DGKG: variants seen among roughly 807,000 people sequenced by gnomAD.
DGKG encodes the protein diacylglycerol kinase gamma.
A neutral mutation model predicts 105.3 loss-of-function variants in DGKG; 78 were observed. The ratio of observed to expected loss-of-function variants is 0.74; its 90% CI spans 0.62 to 0.89. The LOEUF is 0.89. Among genes scored for constraint, DGKG ranks in the 40% least tolerant of loss-of-function variants. The pLI is 0.00. For missense variants in DGKG, 958 were observed against 1,020.1 expected (o/e 0.94, Z 0.83); for synonymous variants, 346 against 367.1 (o/e 0.94, Z 0.66).
chr3:186,261,239 T>A (rs1267797427), intron 15 of DGKG, among the ~76,000 whole-genome samples: 2 of 152,254 alleles, frequency 1.3e-5, no homozygotes, highest in African/African-American at 4.8e-5. Context: ...CCACCTGTGC[T>A]GTTCAGCAAT....
intron 22 of DGKG, among the ~76,000 whole-genome samples, chr3:186,168,488 C>T (rs898485594): frequency 3.9e-5 from 6 of 152,164 alleles, no homozygotes; most frequent in East Asian, 1.9e-4. Context: ...CCAGTTCAGC[C>T]TCCAGGAAAT....
At chr3:186,283,926 G>T (rs746834985) in intron 7 of DGKG, among the ~76,000 whole-genome samples, 1 of 152,216 alleles carries the variant, frequency 6.6e-6, no homozygotes, top group East Asian at 1.9e-4. Context: ...CAACCTCAGG[G>T]CCTTCCTGTT....
chr3:186,346,837 C>A (rs1196165150), intron 1 of DGKG, among the ~76,000 whole-genome samples: 2 of 152,102 alleles, frequency 1.3e-5, no homozygotes, highest in South Asian at 4.1e-4. Context: ...ATGTCCATTC[C>A]ATCAAGCTCC....
At chr3:186,234,585 A>T (rs1057306728) in intron 20 of DGKG, among the ~76,000 whole-genome samples, 2 of 152,194 alleles carry the variant, frequency 1.3e-5, no homozygotes, top group African/African-American at 2.4e-5. Flanking sequence ...TCACAAACCG[A>T]TTCTACTCTT....
chr3:186,193,363 C>T (rs907848641), intron 21 of DGKG, among the ~76,000 whole-genome samples: 1 of 152,214 alleles, frequency 6.6e-6, no homozygotes, highest in South Asian at 2.1e-4. Context: ...ATAACATCTG[C>T]CTTAAGGGGT....
At chr3:186,343,426 G>C (rs1726179784) in intron 1 of DGKG, among the ~76,000 whole-genome samples, 1 of 152,046 alleles carries the variant, frequency 6.6e-6, no homozygotes, top group Non-Finnish European at 1.5e-5. Context: ...GAGTAGCCAG[G>C]ACCACAGATG....
chr3:186,245,922 AC>A (rs58841398), intron 19 of DGKG, among the ~76,000 whole-genome samples: 6,281 of 151,352 alleles, frequency 0.041, 430 homozygotes, highest in African/African-American at 0.15. Context: ...AAACAAAAAA[AC>A]AACAACAACA....
intron 21 of DGKG, among the ~76,000 whole-genome samples, chr3:186,189,309 C>G (rs762499947): frequency 1.3e-4 from 20 of 152,162 alleles, no homozygotes; most frequent in Non-Finnish European, 1.9e-4. Flanking sequence ...GTACAAAAAG[C>G]CAGAAGGCTT....
chr3:186,218,897 G>A (rs1384065143), intron 20 of DGKG, among the ~76,000 whole-genome samples: 1 of 152,050 alleles, frequency 6.6e-6, no homozygotes, highest in Non-Finnish European at 1.5e-5. Flanking sequence ...GGGATTTGCT[G>A]GGTTATTAGC....
intron 10 of DGKG, among the ~76,000 whole-genome samples, chr3:186,273,234 A>G (rs1722403309): frequency 6.6e-6 from 1 of 152,024 alleles, no homozygotes; most frequent in Non-Finnish European, 1.5e-5. Context: ...TCCACACATT[A>G]TTGCTGTTGT....
intron 22 of DGKG, among the ~76,000 whole-genome samples, chr3:186,165,951 C>T (rs908967655): frequency 6.6e-6 from 1 of 152,244 alleles, no homozygotes; most frequent in African/African-American, 2.4e-5. Flanking sequence ...TAAGTTGTGG[C>T]TAATCACTAA....
intron 2 of DGKG, among the ~76,000 whole-genome samples, chr3:186,318,069 A>G (rs1453742831): frequency 6.6e-6 from 1 of 152,060 alleles, no homozygotes; most frequent in African/African-American, 2.4e-5. Flanking sequence ...CACACTCACC[A>G]CCTTAGCTCT....
chr3:186,341,540 A>G (rs1726086093), intron 1 of DGKG, among the ~76,000 whole-genome samples: 1 of 152,246 alleles, frequency 6.6e-6, no homozygotes. Context: ...GAATCTATCC[A>G]GGAACTGCTG....
intron 1 of DGKG, among the ~76,000 whole-genome samples, chr3:186,335,485 G>T (rs942926132): frequency 6.6e-6 from 1 of 152,018 alleles, no homozygotes; most frequent in African/African-American, 2.4e-5. Flanking sequence ...ATGGTATCTC[G>T]TGCCACCATT....
At chr3:186,180,376 G>A (rs983136076) in intron 22 of DGKG, among the ~76,000 whole-genome samples, 4 of 152,148 alleles carry the variant, frequency 2.6e-5, no homozygotes, top group Non-Finnish European at 5.9e-5. Context: ...GCCTGCAAAT[G>A]TTGAACGGGA....
At chr3:186,218,984 G>A (rs531011333) in intron 20 of DGKG, among the ~76,000 whole-genome samples, 1 of 152,002 alleles carries the variant, frequency 6.6e-6, no homozygotes, top group Non-Finnish European at 1.5e-5. Context: ...AGCAAATCAG[G>A]TATAACAGAA....
chr3:186,253,973 C>T (rs766849604), intron 17 of DGKG, among the ~76,000 whole-genome samples: 6 of 152,370 alleles, frequency 3.9e-5, no homozygotes, highest in Admixed American at 1.3e-4. Flanking sequence ...CTTCCACCAC[C>T]TCTCAGAATT....
intron 1 of DGKG, among the ~76,000 whole-genome samples, chr3:186,354,524 G>T (rs1726813251): frequency 6.6e-6 from 1 of 152,136 alleles, no homozygotes. Context: ...GGCAAGTCTG[G>T]GTTTTGTCAG....
intron 10 of DGKG, among the ~76,000 whole-genome samples, chr3:186,274,919 G>A (rs1157645733): frequency 6.6e-6 from 1 of 152,072 alleles, no homozygotes; most frequent in East Asian, 1.9e-4. Flanking sequence ...GGGATGGCTG[G>A]GTCAAATGGT....
Sources: allele counts gnomAD v4.1 joint callset (sites outside exome capture counted in the v4.1 genomes callset), GRCh38; gene constraint gnomAD v4.1.1; transcripts MANE v1.5; gene names NCBI Gene and HGNC (gene_info 2026-07-23, HGNC 2026-07-21).